The following EXOC6B variants were observed in gnomAD, a reference collection of about 807,000 sequenced individuals.
The protein encoded by EXOC6B is SEC15 homolog B.
In EXOC6B, 54 loss-of-function variants were observed where a neutral mutation model predicts 113.5. That is an observed-to-expected ratio of 0.48 (90% CI 0.38 to 0.60). EXOC6B has a LOEUF of 0.60. Ranked by LOEUF, EXOC6B falls within the 20% of genes least tolerant of loss-of-function variation. The pLI, the probability that EXOC6B is intolerant of heterozygous loss-of-function variation, is 0.00. For synonymous variants in EXOC6B, 357 were observed against 339.0 expected, an observed-to-expected ratio of 1.05 and a Z score of -0.58; for missense variants, 797 against 977.5, an observed-to-expected ratio of 0.82 and a Z score of 2.46.
chr2:72,478,870 C>T (rs1026270047), intron 17 of EXOC6B, among the ~76,000 whole-genome samples: 2 of 152,152 alleles, frequency 1.3e-5, no homozygotes, highest in Admixed American at 1.3e-4. Context: ...TGAACTATTT[C>T]TTTTACATTT....
intron 20 of EXOC6B, among the ~76,000 whole-genome samples, chr2:72,212,223 GT>G (rs1467091784): frequency 6.6e-6 from 1 of 152,148 alleles, no homozygotes; most frequent in African/African-American, 2.4e-5. Flanking sequence ...CAAAAACATT[GT>G]TTTCAAAGGG....
At chr2:72,214,835 T>C (rs1680416915) in intron 20 of EXOC6B, among the ~76,000 whole-genome samples, 1 of 152,200 alleles carries the variant, frequency 6.6e-6, no homozygotes, top group South Asian at 2.1e-4. Flanking sequence ...TGATGCTATG[T>C]TTTTGCATGC....
At chr2:72,348,417 A>G (rs1193920299) in intron 19 of EXOC6B, among the ~76,000 whole-genome samples, 1 of 152,166 alleles carries the variant, frequency 6.6e-6, no homozygotes, top group Non-Finnish European at 1.5e-5. Context: ...AGATAATGAG[A>G]GAGCTATATA....
chr2:72,705,185 A>C (rs1678760362), intron 6 of EXOC6B, among the ~76,000 whole-genome samples: 1 of 152,140 alleles, frequency 6.6e-6, no homozygotes, highest in Non-Finnish European at 1.5e-5. Flanking sequence ...TACGCAAATC[A>C]ATAAATGTAA....
intron 18 of EXOC6B, among the ~76,000 whole-genome samples, chr2:72,438,543 A>C (rs1696016843): frequency 6.6e-6 from 1 of 152,174 alleles, no homozygotes; most frequent in Non-Finnish European, 1.5e-5. Context: ...CAGCAGTTTG[A>C]GGTTGCAGCA....
At chr2:72,388,898 G>T (rs1692212266) in intron 18 of EXOC6B, among the ~76,000 whole-genome samples, 1 of 152,020 alleles carries the variant, frequency 6.6e-6, no homozygotes. Context: ...TATTTGCATG[G>T]TATATCTTAT....
chr2:72,228,065 T>C (rs535164198), intron 20 of EXOC6B, among the ~76,000 whole-genome samples: 3 of 152,222 alleles, frequency 2.0e-5, no homozygotes, highest in East Asian at 3.9e-4. Flanking sequence ...TTAAAGTAGA[T>C]TGGAGTCAGG....
Position 72,607,725 on chromosome 2 carries a change from C to A in EXOC6B, c.670-32057G>T, listed in dbSNP as rs369333940. ...AATATTATAATTCTTGTAAGTTAAG[C>A]AAACTTTACAAACAAAGAAATTTTC... On this transcript the variant is annotated intron_variant, in intron 6 of 21. Transcript: ENST00000272427. 1.5e-4 allele frequency among the ~76,000 whole-genome samples: 23 copies of A among 151,994 alleles called. 2 individuals are homozygous for A. The highest frequency in any genetic ancestry group is 4.6e-4 in the African/African-American group (19 of 41,438).
intron 6 of EXOC6B, among the ~76,000 whole-genome samples, chr2:72,700,844 G>A (rs1022409242): frequency 1.1e-4 from 17 of 151,892 alleles, no homozygotes; most frequent in African/African-American, 4.1e-4. Flanking sequence ...CCAGCTACTC[G>A]GGAGGCTGAG....
chr2:72,729,255 A>G (rs1047482439), intron 5 of EXOC6B, among the ~76,000 whole-genome samples: 1 of 151,926 alleles, frequency 6.6e-6, no homozygotes, highest in Non-Finnish European at 1.5e-5. Flanking sequence ...AAAGGAACAT[A>G]AATTTTAACT....
chr2:72,731,279 A>T (rs1054273030), intron 3 of EXOC6B, 34 bp from the exon 4 acceptor site: 1 of 1,493,042 alleles, frequency 6.7e-7, no homozygotes. Flanking sequence ...AATTATGCCT[A>T]TGGCTGTAAA....
At chr2:72,276,155 G>T (rs1684799199) in intron 20 of EXOC6B, among the ~76,000 whole-genome samples, 1 of 152,092 alleles carries the variant, frequency 6.6e-6, no homozygotes, top group Non-Finnish European at 1.5e-5. Context: ...GGTGATTCTG[G>T]CTCATGGGAG....
At chr2:72,768,545 T>TCC (rs1349687605) in intron 1 of EXOC6B, among the ~76,000 whole-genome samples, 1 of 151,246 alleles carries the variant, frequency 6.6e-6, no homozygotes, top group Non-Finnish European at 1.5e-5. Context: ...CCTCAGGTGA[T>TCC]CCCCCCGCCT....
intron 16 of EXOC6B, among the ~76,000 whole-genome samples, chr2:72,483,617 T>C (rs1014245717): frequency 2.0e-5 from 3 of 152,208 alleles, no homozygotes; most frequent in African/African-American, 7.2e-5. Flanking sequence ...GAATAGACTA[T>C]TGAGACACTC....
intron 20 of EXOC6B, among the ~76,000 whole-genome samples, chr2:72,234,773 T>C (rs139294471): frequency 3.9e-4 from 60 of 152,136 alleles, no homozygotes; most frequent in African/African-American, 1.4e-3. Flanking sequence ...CAAAAGGAGA[T>C]ACACATGCAG....
intron 8 of EXOC6B, among the ~76,000 whole-genome samples, chr2:72,516,068 T>A (rs1244708872): frequency 2.0e-5 from 3 of 152,232 alleles, no homozygotes; most frequent in African/African-American, 4.8e-5. Context: ...AGAGAGAAAA[T>A]GGCCCTTATC....
intron 8 of EXOC6B, chr2:72,515,676 C>A: frequency 1.0e-6 from 1 of 988,260 alleles, no homozygotes; most frequent in Non-Finnish European, 1.2e-6. Flanking sequence ...CCCCACTTTT[C>A]GTTTAGGGTT....
chr2:72,799,250 A>C (rs1162981556), intron 1 of EXOC6B, among the ~76,000 whole-genome samples: 4 of 150,380 alleles, frequency 2.7e-5, no homozygotes, highest in African/African-American at 7.3e-5. Flanking sequence ...AAAAAAAAAA[A>C]AAAAAAAAAA....
intron 18 of EXOC6B, among the ~76,000 whole-genome samples, chr2:72,445,843 A>G (rs1336725319): frequency 6.6e-6 from 1 of 152,184 alleles, no homozygotes; most frequent in Non-Finnish European, 1.5e-5. Flanking sequence ...GGACATGAAC[A>G]CACACTTTTT....
Sources: gnomAD v4.1 joint callset for allele counts (sites outside exome capture counted in the v4.1 genomes callset) on GRCh38, gnomAD v4.1.1 for gene constraint, MANE v1.5 for transcripts, NCBI Gene and HGNC (gene_info 2026-07-23, HGNC 2026-07-21) for gene names.